Variants in NUDT3 observed in about 807,000 individuals in gnomAD.
NUDT3 encodes diphosphoinositol polyphosphate phosphohydrolase 1.
NUDT3 carries 9 observed loss-of-function variants against 23.6 expected under a neutral mutation model. The observed-to-expected ratio is 0.38, with a 90% CI of 0.23 to 0.66. NUDT3 has a LOEUF of 0.66. Among genes scored for constraint, NUDT3 ranks in the 30% least tolerant of loss-of-function variants. The pLI is 0.52. For synonymous variants in NUDT3, 86 were observed against 82.6 expected (o/e 1.04, Z -0.22); for missense variants, 172 against 218.5 (o/e 0.79, Z 1.34).
chr6:34,292,724 C>T (rs1186498131), intron 4 of NUDT3, among the ~76,000 whole-genome samples: 1 of 152,092 alleles, frequency 6.6e-6, no homozygotes, highest in Admixed American at 6.6e-5. Flanking sequence ...ACCACCAAAC[C>T]AACAGTTTTC....
At chr6:34,391,989 C>G (rs569567244) in intron 1 of NUDT3, among the ~76,000 whole-genome samples, 5 of 152,320 alleles carry the variant, frequency 3.3e-5, no homozygotes, top group African/African-American at 1.2e-4. Context: ...CCGCTCTCCC[C>G]GGTAACAGGC....
chr6:34,318,115 AAGG>A (rs1763888770), intron 2 of NUDT3, among the ~76,000 whole-genome samples: 1 of 152,144 alleles, frequency 6.6e-6, no homozygotes, highest in East Asian at 1.9e-4. Context: ...CCTTGTACCC[AAGG>A]AGAAGACAAT....
intron 1 of NUDT3, among the ~76,000 whole-genome samples, chr6:34,368,290 G>A (rs1561920855): frequency 6.6e-6 from 1 of 152,188 alleles, no homozygotes; most frequent in Non-Finnish European, 1.5e-5. Flanking sequence ...ACTTCAAGCT[G>A]CTTTTTTCCT....
intron 1 of NUDT3, among the ~76,000 whole-genome samples, chr6:34,375,181 A>G (rs1166302595): frequency 6.6e-6 from 1 of 151,898 alleles, no homozygotes; most frequent in East Asian, 1.9e-4. Flanking sequence ...CATCTCTACT[A>G]AAAAATACAA....
chr6:34,387,239 A>G (rs76817446), intron 1 of NUDT3, among the ~76,000 whole-genome samples: 1,127 of 92,076 alleles, frequency 0.012, 13 homozygotes, highest in Middle Eastern at 0.039. Context: ...AGTGTATTCT[A>G]TTTTTTTAAA....
chr6:34,313,873 G>A (rs1763817672), intron 2 of NUDT3, among the ~76,000 whole-genome samples: 1 of 151,984 alleles, frequency 6.6e-6, no homozygotes, highest in African/African-American at 2.4e-5. Flanking sequence ...CCAGGCGGGT[G>A]GATCATCTGA....
intron 2 of NUDT3, among the ~76,000 whole-genome samples, chr6:34,297,724 A>T (rs1314590155): frequency 2.2e-5 from 1 of 44,504 alleles, no homozygotes; most frequent in African/African-American, 1.5e-4. Context: ...AATGTAAAAA[A>T]AAAAAAATAT....
intron 2 of NUDT3, among the ~76,000 whole-genome samples, chr6:34,329,464 A>G (rs1176313965): frequency 6.6e-6 from 1 of 152,006 alleles, no homozygotes; most frequent in East Asian, 1.9e-4. Flanking sequence ...TATTTTTAGT[A>G]GAGATGGGGT....
At chr6:34,311,766 A>C (rs1038153901) in intron 2 of NUDT3, among the ~76,000 whole-genome samples, 1 of 152,224 alleles carries the variant, frequency 6.6e-6, no homozygotes, top group Non-Finnish European at 1.5e-5. Flanking sequence ...ATAGACCTAC[A>C]TCAATACAAT....
In NUDT3 at chr6:34,281,418, T is replaced by C. The variant is rs1158450189; in HGVS notation, c.*7335A>G. The C allele has an allele frequency of 6.6e-6, 1 of 152,206 alleles. No individual in the cohort carries two copies. Among genetic ancestry groups the C allele is most frequent in the Non-Finnish European group, 1.5e-5 (1 of 68,048 alleles). 9.4% of individuals were successfully genotyped at this position (152,206 alleles called of 1,614,324 possible). On this transcript the variant is annotated 3_prime_UTR_variant, in exon 5 of 5. Transcript: ENST00000607016. ...AGCTTCAATTCCATTTTACAACAGT[T>C]CTCAACAACCTGAAATATTCTTGAC... is the stretch of plus-strand genomic sequence containing the variant.
chr6:34,354,003 A>T (rs987143320), intron 1 of NUDT3, among the ~76,000 whole-genome samples: 2 of 151,658 alleles, frequency 1.3e-5, no homozygotes, highest in African/African-American at 4.8e-5. Flanking sequence ...CCTGGGTTCA[A>T]GCGATTCTCC....
At chr6:34,308,317 C>T (rs142155092) in intron 2 of NUDT3, among the ~76,000 whole-genome samples, 2 of 151,642 alleles carry the variant, frequency 1.3e-5, no homozygotes, top group East Asian at 3.9e-4. Flanking sequence ...ATTAGCTAGG[C>T]ATAGTGGTGT....
At chr6:34,341,480 G>A (rs916991392) in intron 2 of NUDT3, among the ~76,000 whole-genome samples, 2 of 152,158 alleles carry the variant, frequency 1.3e-5, no homozygotes, top group African/African-American at 2.4e-5. Context: ...AGTAAGCACA[G>A]GAAAACAAGG....
Position 34,308,969 on chromosome 6 carries a change from C to T in NUDT3, c.211-13284G>A, listed in dbSNP as rs78303068. ...CAGCAGAATACACATTATTCTCAAG[C>T]TCACATGGAACATTCAACAAGACAG... On this transcript the variant is annotated intron_variant, in intron 2 of 4. Transcript: ENST00000607016. Among the ~76,000 whole-genome samples the T allele has an allele frequency of 5.5e-3, 845 of 152,266 alleles. 3 individuals are homozygous for T. The highest frequency in any genetic ancestry group is 0.017 in the African/African-American group (718 of 41,552).
intron 1 of NUDT3, among the ~76,000 whole-genome samples, chr6:34,346,140 T>C (rs1323508376): frequency 6.6e-6 from 1 of 152,124 alleles, no homozygotes; most frequent in Non-Finnish European, 1.5e-5. Flanking sequence ...CAATCTTACA[T>C]TTTACAACAT....
At chr6:34,314,174 G>C (rs1763822712) in intron 2 of NUDT3, among the ~76,000 whole-genome samples, 1 of 151,942 alleles carries the variant, frequency 6.6e-6, no homozygotes, top group Non-Finnish European at 1.5e-5. Context: ...TATAATCCCA[G>C]CATTTTGGGA....
At chr6:34,304,018 C>T (rs1364647258) in intron 2 of NUDT3, among the ~76,000 whole-genome samples, 2 of 152,006 alleles carry the variant, frequency 1.3e-5, no homozygotes, top group Non-Finnish European at 2.9e-5. Context: ...TCTGGAAAGC[C>T]GAGGCAGGTG....
At chr6:34,297,746 TA>T (rs1763530895) in intron 2 of NUDT3, among the ~76,000 whole-genome samples, 1 of 109,188 alleles carries the variant, frequency 9.2e-6, no homozygotes, top group Non-Finnish European at 1.7e-5. Context: ...TATATATATA[TA>T]TATATATATA....
chr6:34,337,955 C>A (rs887874399), intron 2 of NUDT3, among the ~76,000 whole-genome samples: 7 of 152,228 alleles, frequency 4.6e-5, no homozygotes, highest in Non-Finnish European at 8.8e-5. Flanking sequence ...CAGAAGCCAA[C>A]TGGATTTAAA....
Sources: allele counts gnomAD v4.1 joint callset (sites outside exome capture counted in the v4.1 genomes callset), GRCh38; gene constraint gnomAD v4.1.1; transcripts MANE v1.5; gene names NCBI Gene and HGNC (gene_info 2026-07-23, HGNC 2026-07-21).